ANO9: variants seen among roughly 807,000 people sequenced by gnomAD.
ANO9 encodes anoctamin-9.
A neutral mutation model predicts 100.5 loss-of-function variants in ANO9; 80 were observed. The ratio of observed to expected loss-of-function variants is 0.80; its 90% confidence interval spans 0.66 to 0.96. The LOEUF (loss-of-function observed/expected upper bound fraction) is 0.96. Ranked by LOEUF, ANO9 falls within the 40% of genes least tolerant of loss-of-function variation. The probability of loss-of-function intolerance (pLI) is 0.00; values close to 1 mark genes in which losing one functional copy is unlikely to be tolerated. For synonymous variants in ANO9, 473 were observed against 435.6 expected, an observed-to-expected ratio of 1.09 and a Z score of -1.07; for missense variants, 1,064 against 1,072.7, an observed-to-expected ratio of 0.99 and a Z score of 0.11.
Position 420,804 on chromosome 11 carries a change from C to T in ANO9, c.1547G>A (p.Arg516Gln), listed in dbSNP as rs1229834613. 16 of 1,595,746 alleles carry T rather than the reference C, an allele frequency of 1.0e-5. No individual in the cohort carries two copies. The African/African-American group carries it at 1.2e-4, about 12-fold the overall frequency. Residue 516 changes from arginine to glutamine, a missense_variant, in exon 18 of 23, where the codon CGG becomes CAG. Arg to Gln is a conservative substitution (Grantham distance 43). Coordinates refer to ENST00000332826, the MANE Select transcript of ANO9 (RefSeq NM_001012302.3). Reference sequence around the variant, plus strand: ...CCGCCAGTCCCTGAGCTCGGGGTCCCGGGGCAGGTGCCCGGACTCGGAGGC... The same window carrying T: ...CCGCCAGTCCCTGAGCTCGGGGTCCTGGGGCAGGTGCCCGGACTCGGAGGC... ...LRASESGHLP[R>Q]DPELRDWRRN...
intron 1 of ANO9, among the ~76,000 whole-genome samples, chr11:435,716 A>C (rs1198672211): frequency 6.9e-6 from 1 of 145,304 alleles, no homozygotes; most frequent in East Asian, 2.0e-4. Flanking sequence ...ATAGCATAGG[A>C]TAGCATAGCA....
rs1466689920 is a variant in ANO9, at chr11:421,321, C to T, written c.1335-123G>A. 5 of 1,057,954 alleles carry T rather than the reference C, an allele frequency of 4.7e-6. No homozygotes were observed. The highest frequency in any genetic ancestry group is 3.2e-5 in the African/African-American group (2 of 62,084). 65.5% of individuals were successfully genotyped at this position (1,057,954 alleles called of 1,614,324 possible). ...AGGCGGGGCAGGCCCTGCAGGTGAG[C>T]GGGGCACAGGTGCTCACACCCAGAT... On this transcript the variant is annotated intron_variant, in intron 15 of 22. Coordinates refer to ENST00000332826, the MANE Select transcript of ANO9 (RefSeq NM_001012302.3). The surrounding 1 kb of genome is among the most constrained non-coding windows in gnomAD (Gnocchi z 6.8).
chr11:433,266 AGGTGGCAAGGGGTTC>A, intron 4 of ANO9, 33 bp downstream of exon 4: 2 of 1,592,492 alleles, frequency 1.3e-6, no homozygotes, highest in Non-Finnish European at 1.7e-6. Flanking sequence ...CCAATCACAC[AGGTGGCAAGGGGTTC>A]TCCTGGCCAC....
chr11:429,549 G>A (rs1364209562), intron 11 of ANO9, 21 bp downstream of exon 11: 2 of 1,611,824 alleles, frequency 1.2e-6, no homozygotes, highest in Non-Finnish European at 8.5e-7. Context: ...GGCCTCAGCT[G>A]CGCTGCCAGC....
intron 1 of ANO9, among the ~76,000 whole-genome samples, chr11:436,297 C>T (rs559430077): frequency 1.1e-4 from 16 of 152,112 alleles, no homozygotes; most frequent in Middle Eastern, 3.4e-3. Context: ...GAACTCCCGA[C>T]CTCGGGTGAT....
chr11:424,260 T>A (rs945837133), intron 15 of ANO9, among the ~76,000 whole-genome samples: 1 of 152,232 alleles, frequency 6.6e-6, no homozygotes, highest in Non-Finnish European at 1.5e-5. Flanking sequence ...AGGAATACTG[T>A]CAAAAAGAAA....
At chr11:420,645 C>G (rs370837515) in intron 18 of ANO9, 30 bp from the exon 19 acceptor site, 3 of 1,602,158 alleles carry the variant, frequency 1.9e-6, no homozygotes, top group Non-Finnish European at 1.7e-6. Flanking sequence ...CTCACCGGCG[C>G]CCCGCACTCA....
At chr11:440,348 G>A (rs977242686) in intron 1 of ANO9, 3 of 152,484 alleles carry the variant, frequency 2.0e-5, no homozygotes, top group African/African-American at 7.2e-5. Flanking sequence ...GCCAAATGGA[G>A]AGCTTGGACT....
Position 419,000 on chromosome 11 carries a change from G to T in ANO9, c.1935-11C>A, listed in dbSNP as rs1481946930. On this transcript the variant is annotated splice_polypyrimidine_tract_variant and intron_variant, in intron 20 of 22. Transcript: ENST00000332826. ...TAGCCCTTGAGGCAGCTGGGGAGAG[G>T]GGAGAGGAGTGTGGGGTGGGGTGGG... 1 of 1,613,082 alleles carries T rather than the reference G, an allele frequency of 6.2e-7. No homozygotes were observed. Among genetic ancestry groups the T allele is most frequent in the East Asian group, 2.2e-5 (1 of 44,882 alleles).
At chr11:430,240 C>T (rs759786307) in intron 8 of ANO9, 29 bp downstream of exon 8, 2 of 1,553,018 alleles carry the variant, frequency 1.3e-6, no homozygotes, top group Non-Finnish European at 1.7e-6. Flanking sequence ...CACCCCGGCC[C>T]CCCATGCCCG....
rs1474533822 is a variant in ANO9, at chr11:431,680, T to C, written c.539+14A>G. The C allele has an allele frequency of 7.4e-6, 12 of 1,611,694 alleles. No individual in the cohort carries two copies. In the African/African-American group the frequency reaches 1.3e-4, roughly 18 times the overall value. On this transcript the variant is annotated intron_variant, in intron 7 of 22. Transcript: ENST00000332826. Reference sequence around the variant, plus strand: ...CGTCCGCGGGGTTCCTGTGCTCTCTTTGGGCAGCGTTACCTGATTTCATCA... The same window carrying C: ...CGTCCGCGGGGTTCCTGTGCTCTCTCTGGGCAGCGTTACCTGATTTCATCA...
rs756778363 is a variant in ANO9 at position 419,667 on chromosome 11, T to C, written c.1849A>G (p.Ile617Val). 6.2e-7 allele frequency: 1 copy of C among 1,612,838 alleles called. No individual in the cohort carries two copies. The highest frequency in any genetic ancestry group is 1.1e-5 in the South Asian group (1 of 91,080). Reference sequence around the variant, plus strand: ...GGGATGAACTCAGATGTGAAGGCAATGACCATCCCATTGGCAATGACCGCC... The same window carrying C: ...GGGATGAACTCAGATGTGAAGGCAACGACCATCCCATTGGCAATGACCGCC... ...VLAVIANGMV[I>V]AFTSEFIPRV... is the part of the protein sequence containing the mutation. Residue 617 changes from isoleucine (I) to valine (V), a missense_variant, in exon 20 of 23, where the codon ATT becomes GTT. Ile to Val is a conservative substitution (Grantham distance 29). Coordinates refer to ENST00000332826, the MANE Select transcript of ANO9 (RefSeq NM_001012302.3).
At chr11:419,831 C>G (rs879903152) in intron 19 of ANO9, 102 bp from the exon 20 acceptor site, 60 of 1,533,628 alleles carry the variant, frequency 3.9e-5, no homozygotes, top group Non-Finnish European at 5.0e-5. Flanking sequence ...TGTCTCTGTG[C>G]GTGGTGTCCC....
chr11:418,758 G>A lies in ANO9; in HGVS notation c.2092C>T (p.Leu698Phe), dbSNP rs747558548. 4 of 1,613,158 alleles carry A rather than the reference G, an allele frequency of 2.5e-6. No homozygotes were observed. In the South Asian group the frequency reaches 4.4e-5, roughly 18 times the overall value. Residue 698 changes from leucine (L) to phenylalanine (F), a missense_variant, in exon 22 of 23, where the codon CTC becomes TTC. Physicochemically the swap from Leu to Phe is conservative, Grantham distance 22. Coordinates refer to ENST00000332826, the MANE Select transcript of ANO9 (RefSeq NM_001012302.3). The part of the protein sequence containing the change: ...DYNFSEQFWF[L>F]LAIRLAFVIL... ...ACGAAGGCCAGGCGGATGGCCAGGAGGAACCAGAACTGCTCGGAGAAGTTG... is the reference window on the plus strand; with the variant it reads ...ACGAAGGCCAGGCGGATGGCCAGGAAGAACCAGAACTGCTCGGAGAAGTTG...
chr11:423,364 A>G (rs1424653815), intron 15 of ANO9, among the ~76,000 whole-genome samples: 1 of 152,202 alleles, frequency 6.6e-6, no homozygotes, highest in Non-Finnish European at 1.5e-5. Flanking sequence ...GTGTATGACG[A>G]AGAAGGCATT....
intron 15 of ANO9, among the ~76,000 whole-genome samples, chr11:423,168 A>T (rs1004183653): frequency 7.2e-5 from 11 of 152,234 alleles, no homozygotes; most frequent in African/African-American, 2.7e-4. Context: ...AATGATTCTG[A>T]CATTCATCTG....
At chr11:433,698 T>C in intron 3 of ANO9, 117 bp downstream of exon 3, 4 of 1,450,276 alleles carry the variant, frequency 2.8e-6, no homozygotes, top group South Asian at 1.4e-5. Flanking sequence ...CGTGCCGCCA[T>C]GACCGGCCCC....
intron 15 of ANO9, among the ~76,000 whole-genome samples, chr11:423,885 T>TCACACA (rs57182615): frequency 0.17 from 24,696 of 143,142 alleles, 2,347 homozygotes; most frequent in South Asian, 0.32. Flanking sequence ...AGTTGAATAC[T>TCACACA]CACACACACA....
chr11:429,425 G>A, intron 11 of ANO9, 145 bp downstream of exon 11: 15 of 1,483,488 alleles, frequency 1.0e-5, no homozygotes, highest in Non-Finnish European at 1.3e-5. Context: ...CAGGTGGACA[G>A]ACCAGGACAC....
Sources: allele counts gnomAD v4.1 joint callset (sites outside exome capture counted in the v4.1 genomes callset), GRCh38; gene constraint gnomAD v4.1.1; non-coding constraint Gnocchi (gnomAD v3.1); transcripts MANE v1.5; gene names NCBI Gene and HGNC (gene_info 2026-07-23, HGNC 2026-07-21).